NRXN1: variants seen among roughly 807,000 people sequenced by gnomAD.
NRXN1 encodes the protein neurexin 1, also known as neurexin-1.
Under a neutral mutation model 150.9 loss-of-function variants are expected in NRXN1, and 39 were observed. The ratio of observed to expected loss-of-function variants is 0.26; its 90% CI spans 0.20 to 0.34. The LOEUF (loss-of-function observed/expected upper bound fraction) is 0.34. Ranked by LOEUF, NRXN1 falls within the 10% of genes least tolerant of loss-of-function variation. NRXN1 has a pLI of 1.00. For synonymous variants in NRXN1, 924 were observed against 757.0 expected (o/e 1.22, Z -3.62); for missense variants, 1,815 against 1,949.9 (o/e 0.93, Z 1.30).
intron 5 of NRXN1, among the ~76,000 whole-genome samples, chr2:50,681,477 G>C (rs148681760): frequency 6.6e-6 from 1 of 152,232 alleles, no homozygotes; most frequent in East Asian, 1.9e-4. Context: ...GAGCAAAAGG[G>C]ACTGAAATAT....
At chr2:50,573,100 T>G (rs1254051424) in intron 8 of NRXN1, among the ~76,000 whole-genome samples, 1 of 152,158 alleles carries the variant, frequency 6.6e-6, no homozygotes, top group Non-Finnish European at 1.5e-5. Context: ...CCAGGCATGG[T>G]GGCTCATACC....
intron 21 of NRXN1, among the ~76,000 whole-genome samples, chr2:50,004,346 G>A (rs1684420220): frequency 6.6e-6 from 1 of 152,094 alleles, no homozygotes; most frequent in Admixed American, 6.6e-5. Context: ...AAACTCACAA[G>A]AACATGTAAG....
At chr2:50,165,592 AC>A (rs2059631460) in intron 18 of NRXN1, among the ~76,000 whole-genome samples, 1 of 151,916 alleles carries the variant, frequency 6.6e-6, no homozygotes, top group African/African-American at 2.4e-5. Context: ...CAGGTGATAC[AC>A]CCACCTCAGC....
chr2:50,178,091 T>C (rs897379771), intron 18 of NRXN1, among the ~76,000 whole-genome samples: 3 of 152,066 alleles, frequency 2.0e-5, no homozygotes, highest in African/African-American at 4.8e-5. Context: ...CCCTGATTCA[T>C]AGTGTGTTTC....
intron 2 of NRXN1, among the ~76,000 whole-genome samples, chr2:50,994,149 G>C (rs1418891741): frequency 1.3e-5 from 2 of 151,916 alleles, no homozygotes; most frequent in Non-Finnish European, 2.9e-5. Context: ...CTGAGCCTTA[G>C]AGAAGTTAAA....
chr2:50,738,085 C>T (rs1698986792), intron 5 of NRXN1, among the ~76,000 whole-genome samples: 2 of 152,190 alleles, frequency 1.3e-5, no homozygotes, highest in Non-Finnish European at 2.9e-5. Context: ...ACTGAGTAAT[C>T]ACAGAGTAAT....
intron 10 of NRXN1, among the ~76,000 whole-genome samples, chr2:50,535,882 ATAAT>A (rs2093245760): frequency 6.6e-6 from 1 of 152,170 alleles, no homozygotes. Context: ...ATTACTTTGA[ATAAT>A]TATTTTCATA....
At chr2:50,733,913 T>C (rs1253889883) in intron 5 of NRXN1, among the ~76,000 whole-genome samples, 1 of 152,170 alleles carries the variant, frequency 6.6e-6, no homozygotes, top group Non-Finnish European at 1.5e-5. Context: ...CACATTCGTA[T>C]ATTAGCATGT....
At chr2:50,011,610 A>G (rs1558688587) in intron 21 of NRXN1, among the ~76,000 whole-genome samples, 1 of 152,090 alleles carries the variant, frequency 6.6e-6, no homozygotes, top group Non-Finnish European at 1.5e-5. Context: ...ATAATTTTAT[A>G]AAATAGGTTC....
intron 18 of NRXN1, among the ~76,000 whole-genome samples, chr2:50,118,743 A>C (rs921686554): frequency 2.0e-5 from 3 of 152,154 alleles, no homozygotes; most frequent in African/African-American, 7.2e-5. Flanking sequence ...ACTTAGTGGC[A>C]ATTGAAGCAG....
At chr2:51,009,442 GTA>G (rs2105174181) in intron 2 of NRXN1, among the ~76,000 whole-genome samples, 1 of 152,032 alleles carries the variant, frequency 6.6e-6, no homozygotes, top group East Asian at 1.9e-4. Context: ...GCATTCTAGT[GTA>G]GCATAATATA....
intron 5 of NRXN1, among the ~76,000 whole-genome samples, chr2:50,709,526 G>T (rs1170498422): frequency 6.6e-6 from 1 of 152,114 alleles, no homozygotes; most frequent in Non-Finnish European, 1.5e-5. Context: ...TCACTTCAGA[G>T]AAGGTACCAC....
At chr2:50,729,023 GAAT>G (rs1559177502) in intron 5 of NRXN1, among the ~76,000 whole-genome samples, 1 of 151,980 alleles carries the variant, frequency 6.6e-6, no homozygotes, top group Non-Finnish European at 1.5e-5. Context: ...TGCATCAAAA[GAAT>G]AATATTATTT....
chr2:50,506,328 A>T lies in NRXN1; in HGVS notation c.2497+167T>A, dbSNP rs547481140. On this transcript the variant is annotated intron_variant, in intron 13 of 22. Coordinates refer to ENST00000401669, the MANE Select transcript of NRXN1 (RefSeq NM_001330078.2). ...GTGTCATTTTTGAGGAAAAACACCTAACAGACTGCTTATTTAATAAAATAG... is the reference window on the plus strand; with the variant it reads ...GTGTCATTTTTGAGGAAAAACACCTTACAGACTGCTTATTTAATAAAATAG... Among the ~76,000 whole-genome samples, 4 of 152,276 alleles carry T rather than the reference A, an allele frequency of 2.6e-5. No individual in the cohort carries two copies. The South Asian group carries it at 6.2e-4, about 24-fold the overall frequency.
intron 15 of NRXN1, among the ~76,000 whole-genome samples, chr2:50,489,918 T>C (rs1479127502): frequency 6.9e-6 from 1 of 143,994 alleles, no homozygotes; most frequent in Admixed American, 6.7e-5. Flanking sequence ...AATCCCACTC[T>C]CAACTTCCCG....
intron 17 of NRXN1, among the ~76,000 whole-genome samples, chr2:50,289,030 G>A (rs1216131217): frequency 2.0e-5 from 3 of 152,132 alleles, no homozygotes. Flanking sequence ...CCGGGTTTCT[G>A]CTTTTGATGA....
At position 50,299,516 on chromosome 2, in the gene NRXN1, G is replaced by C. The variant is rs115946740; in HGVS notation, c.3365-62546C>G. ...CTCTTAGATAATAAAAGTTTAGTAA[G>C]TCTGCATGTGTTTTTTCTCACTGCT... On this transcript the variant is annotated intron_variant, in intron 17 of 22. Coordinates refer to ENST00000401669, the MANE Select transcript of NRXN1 (RefSeq NM_001330078.2). Among the ~76,000 whole-genome samples, 1,091 of 151,556 alleles carry C rather than the reference G, an allele frequency of 7.2e-3. 10 individuals carry two copies. Among genetic ancestry groups the C allele is most frequent in the African/African-American group, 0.025 (1,051 of 41,348 alleles).
At chr2:50,271,139 A>G (rs1002427180) in intron 17 of NRXN1, among the ~76,000 whole-genome samples, 4 of 152,198 alleles carry the variant, frequency 2.6e-5, no homozygotes, top group Non-Finnish European at 2.9e-5. Flanking sequence ...ACTACTGGAC[A>G]ATATTGATAC....
At chr2:50,846,311 C>T (rs17504439) in intron 5 of NRXN1, among the ~76,000 whole-genome samples, 24,357 of 152,096 alleles carry the variant, frequency 0.16, 2,099 homozygotes, top group Middle Eastern at 0.19. Context: ...CTCAAAGTGT[C>T]AGGTGTAAGG....
Sources: allele counts gnomAD v4.1 joint callset (sites outside exome capture counted in the v4.1 genomes callset), GRCh38; gene constraint gnomAD v4.1.1; transcripts MANE v1.5; gene names NCBI Gene and HGNC (gene_info 2026-07-23, HGNC 2026-07-21).